Variants in NOL10 observed in about 807,000 individuals in gnomAD.
NOL10 encodes the protein nucleolar protein 10, also known as H_NH0074G24.1.
In NOL10, 58 loss-of-function variants were observed where a neutral mutation model predicts 103.5. The observed-to-expected ratio is 0.56, with a 90% CI of 0.45 to 0.70. The LOEUF is 0.70. Ranked by LOEUF, NOL10 falls within the 30% of genes least tolerant of loss-of-function variation. The probability of loss-of-function intolerance (pLI) is 0.00; values close to 1 mark genes in which losing one functional copy is unlikely to be tolerated. For synonymous variants in NOL10, 287 were observed against 282.5 expected (o/e 1.02, Z -0.16); for missense variants, 763 against 807.3 (o/e 0.95, Z 0.67).
chr2:10,678,425 A>AG, intron 3 of NOL10, among the ~76,000 whole-genome samples: 1 of 140,224 alleles, frequency 7.1e-6, no homozygotes, highest in Non-Finnish European at 1.7e-5. Flanking sequence ...AAGTGGTAAA[A>AG]AAAAAAAAAA....
intron 20 of NOL10, 143 bp from the exon 21 acceptor site, chr2:10,572,333 T>A (rs1415837250): frequency 5.8e-6 from 5 of 867,086 alleles, no homozygotes; most frequent in Non-Finnish European, 8.9e-6. Flanking sequence ...CCAGGGGACA[T>A]GGTGGGGCTG....
chr2:10,594,953 TG>T (rs1216222616), intron 17 of NOL10, among the ~76,000 whole-genome samples: 1 of 152,150 alleles, frequency 6.6e-6, no homozygotes, highest in Non-Finnish European at 1.5e-5. Context: ...GCTATGATTC[TG>T]CCACTGTACT....
chr2:10,634,946 C>A (rs1176563673), intron 13 of NOL10, among the ~76,000 whole-genome samples: 2 of 152,102 alleles, frequency 1.3e-5, no homozygotes, highest in Non-Finnish European at 2.9e-5. Flanking sequence ...GATGACTGTA[C>A]ACGTCTGTCC....
At chr2:10,669,495 CATACACACACACATAT>C (rs1343792996) in intron 6 of NOL10, among the ~76,000 whole-genome samples, 2 of 108,338 alleles carry the variant, frequency 1.8e-5, no homozygotes, top group South Asian at 3.4e-4. Flanking sequence ...CACACACACA[CATACACACACACATAT>C]ATACACACAC....
intron 13 of NOL10, among the ~76,000 whole-genome samples, chr2:10,624,333 G>C (rs913024764): frequency 6.6e-6 from 1 of 152,004 alleles, no homozygotes; most frequent in Admixed American, 6.6e-5. Context: ...CTGGGCAACA[G>C]AGTGAGACCC....
chr2:10,594,163 G>C (rs930201205), intron 17 of NOL10, among the ~76,000 whole-genome samples: 1 of 151,976 alleles, frequency 6.6e-6, no homozygotes, highest in Non-Finnish European at 1.5e-5. Context: ...CAGTCGCTTC[G>C]TGTCAGGTTT....
intron 20 of NOL10, among the ~76,000 whole-genome samples, chr2:10,575,009 C>T (rs1000595809): frequency 4.6e-5 from 7 of 152,214 alleles, no homozygotes; most frequent in South Asian, 4.1e-4. Flanking sequence ...CGCCATGTGG[C>T]GGATTCAGGA....
intron 14 of NOL10, among the ~76,000 whole-genome samples, chr2:10,605,896 AG>A (rs1676228926): frequency 6.6e-6 from 1 of 152,238 alleles, no homozygotes; most frequent in African/African-American, 2.4e-5. Context: ...TGGGTTAAAA[AG>A]GAAGTTTAAT....
At chr2:10,601,377 T>G (rs1157153305) in intron 16 of NOL10, among the ~76,000 whole-genome samples, 4 of 152,264 alleles carry the variant, frequency 2.6e-5, no homozygotes, top group Non-Finnish European at 5.9e-5. Flanking sequence ...TAATTCGTAT[T>G]TTAAAAATTT....
chr2:10,573,992 C>T lies in NOL10; in HGVS notation c.1948-1802G>A, dbSNP rs373133992. Among the ~76,000 whole-genome samples, 294 of 148,222 alleles carry T rather than the reference C, an allele frequency of 2.0e-3. 2 individuals carry two copies. Among genetic ancestry groups the T allele is most frequent in the African/African-American group, 7.2e-3 (282 of 38,902 alleles). On this transcript the variant is annotated intron_variant, in intron 20 of 20. Coordinates refer to ENST00000381685, the MANE Select transcript of NOL10 (RefSeq NM_024894.4). ...AAAAAATAGAAATACTATGTCAGTT[C>T]AGTCCTGTGCTTACTGAAACTGTGC...
At chr2:10,629,341 ATAAC>A (rs1355915378) in intron 13 of NOL10, among the ~76,000 whole-genome samples, 1 of 152,194 alleles carries the variant, frequency 6.6e-6, no homozygotes. Flanking sequence ...ATTTTCAAAA[ATAAC>A]TATTACTTTA....
At chr2:10,622,245 G>C (rs1334048305) in intron 13 of NOL10, 2 of 459,670 alleles carry the variant, frequency 4.4e-6, no homozygotes, top group South Asian at 1.6e-5. Context: ...CTATTAAAAA[G>C]AGAGCTTGAT....
rs1301050169 is a variant in NOL10, at chr2:10,602,802, TTTC to T, written c.1303_1305del (p.Glu435del). On this transcript the variant is annotated inframe_deletion, in exon 16 of 21. Coordinates refer to ENST00000381685, the MANE Select transcript of NOL10 (RefSeq NM_024894.4). Reference sequence around the variant, plus strand: ...TTTAACTGGACTCTCTGTGCACGTGTTTCTTCTATTTTCTGTCGTATTTTATCT... The same window carrying T: ...TTTAACTGGACTCTCTGTGCACGTGTTTCTATTTTCTGTCGTATTTTATCT... 1 of 1,605,688 alleles carries T rather than the reference TTTC, an allele frequency of 6.2e-7. No homozygotes were observed. Among genetic ancestry groups the T allele is most frequent in the Non-Finnish European group, 8.5e-7 (1 of 1,173,514 alleles).
At chr2:10,623,059 CCCT>C (rs1382574510) in intron 13 of NOL10, among the ~76,000 whole-genome samples, 1 of 151,692 alleles carries the variant, frequency 6.6e-6, no homozygotes, top group Non-Finnish European at 1.5e-5. Context: ...TTAAATGGGG[CCCT>C]CATTATTTTT....
At chr2:10,610,012 T>TCTC (rs1261561553) in intron 13 of NOL10, among the ~76,000 whole-genome samples, 2 of 152,048 alleles carry the variant, frequency 1.3e-5, no homozygotes, top group Non-Finnish European at 2.9e-5. Context: ...ACTGAAAGGG[T>TCTC]CCTCTCCGGC....
chr2:10,573,519 A>G (rs7595614), intron 20 of NOL10, among the ~76,000 whole-genome samples: 37,565 of 151,882 alleles, frequency 0.25, 6,473 homozygotes, highest in African/African-American at 0.45. Context: ...CACACCTAAC[A>G]AAACACATGC....
chr2:10,633,793 ATGTGTG>A (rs34227530), intron 13 of NOL10, among the ~76,000 whole-genome samples: 13 of 149,358 alleles, frequency 8.7e-5, no homozygotes, highest in South Asian at 2.1e-4. Context: ...GTTTATATGT[ATGTGTG>A]TGTGTGTGTG....
Position 10,659,349 on chromosome 2 carries a change from G to GC in NOL10, c.678-100_678-99insG, listed in dbSNP as rs1159473359. 5 of 476,660 alleles carry GC rather than the reference G, an allele frequency of 1.0e-5. 1 individual carries two copies. Among genetic ancestry groups the GC allele is most frequent in the Non-Finnish European group, 2.0e-5 (5 of 250,268 alleles). The allele number at this position is 476,660 out of a possible 1,614,324, so 29.5% of individuals were successfully genotyped here. A position where few individuals can be genotyped will look rare whatever the true frequency, so the allele number is the denominator to read the frequency against. ...CTTCACTTCAAATCTAATGGGGGGG[G>GC]GGGGGAGGAATCACATTTCTAGGCT... On this transcript the variant is annotated intron_variant, in intron 9 of 20. Transcript: ENST00000381685.
At chr2:10,624,797 T>C (rs1164112451) in intron 13 of NOL10, among the ~76,000 whole-genome samples, 1 of 152,162 alleles carries the variant, frequency 6.6e-6, no homozygotes, top group Non-Finnish European at 1.5e-5. Context: ...GGTGAAAACT[T>C]ATGTGCACAT....
Sources: allele counts gnomAD v4.1 joint callset (sites outside exome capture counted in the v4.1 genomes callset), GRCh38; gene constraint gnomAD v4.1.1; transcripts MANE v1.5; gene names NCBI Gene and HGNC (gene_info 2026-07-23, HGNC 2026-07-21).